Variants in ABAT observed in about 807,000 individuals in gnomAD.
The protein encoded by ABAT is 4-aminobutyrate aminotransferase, mitochondrial.
In ABAT, 45 loss-of-function variants were observed where a neutral mutation model predicts 64.6. The ratio of observed to expected loss-of-function variants is 0.70; its 90% CI spans 0.55 to 0.89. ABAT has a LOEUF of 0.89. Among genes scored for constraint, ABAT ranks in the 40% least tolerant of loss-of-function variants. The probability of loss-of-function intolerance (pLI) is 0.00; values close to 1 mark genes in which losing one functional copy is unlikely to be tolerated. For synonymous variants in ABAT, 297 were observed against 250.5 expected, an observed-to-expected ratio of 1.19 and a Z score of -1.75; for missense variants, 633 against 658.4, an observed-to-expected ratio of 0.96 and a Z score of 0.42.
chr16:8,731,837 T>TCA (rs1219512761), intron 1 of ABAT, among the ~76,000 whole-genome samples: 2,186 of 152,136 alleles, frequency 0.014, 57 homozygotes, highest in African/African-American at 0.05. Flanking sequence ...GCAACCTCTT[T>TCA]TTCCTCTTTT....
At chr16:8,677,552 G>T (rs969390255) in intron 1 of ABAT, among the ~76,000 whole-genome samples, 1 of 152,160 alleles carries the variant, frequency 6.6e-6, no homozygotes, top group African/African-American at 2.4e-5. Context: ...TTCTCATTTT[G>T]GGCACTGTTG....
intron 1 of ABAT, among the ~76,000 whole-genome samples, chr16:8,694,269 C>G (rs764648607): frequency 6.6e-6 from 1 of 151,804 alleles, no homozygotes; most frequent in Non-Finnish European, 1.5e-5. Context: ...CTGACCCGCC[C>G]GCCTCGGCCT....
intron 4 of ABAT, among the ~76,000 whole-genome samples, chr16:8,750,209 T>C (rs1049094661): frequency 6.6e-6 from 1 of 152,246 alleles, no homozygotes; most frequent in Admixed American, 6.5e-5. Flanking sequence ...GAAAAATTCA[T>C]AAAAAATAAA....
chr16:8,735,775 C>A lies in ABAT; in HGVS notation c.36C>A (p.Cys12Ter). 2 of 1,607,742 alleles carry A rather than the reference C, an allele frequency of 1.2e-6. No homozygotes were observed. The highest frequency in any genetic ancestry group is 1.7e-5 in the Admixed American group (1 of 59,286). Reference protein sequence around the residue: ...ASMLLAQRLACSFQHSYRLLV... With the variant: ...ASMLLAQRLA ...TGTTGCTCGCCCAGCGCCTGGCCTG[C>A]AGCTTCCAGCACAGCTACCGCCTGC... Residue 12 changes from cysteine (C) to a stop codon, truncating the protein, a stop_gained, in exon 2 of 16, where the codon TGC (cysteine) becomes TGA (stop). Transcript: ENST00000268251. LOFTEE classifies it high-confidence loss of function.
intron 1 of ABAT, among the ~76,000 whole-genome samples, chr16:8,675,710 C>A (rs55674638): frequency 0.093 from 14,203 of 152,220 alleles, 740 homozygotes; most frequent in Admixed American, 0.14. Flanking sequence ...CAAACTCTGA[C>A]AACAGAGATG....
intron 1 of ABAT, among the ~76,000 whole-genome samples, chr16:8,688,671 T>G (rs896291534): frequency 1.3e-5 from 2 of 152,282 alleles, no homozygotes; most frequent in East Asian, 3.9e-4. Context: ...CAGGCTAGTC[T>G]CAAACTCTTG....
Position 8,776,422 on chromosome 16 carries a change from C to A in ABAT, c.1201C>A (p.Arg401=). Residue 401 remains arginine, a synonymous_variant, in exon 14 of 16, where the codon CGG becomes AGG. Coordinates refer to ENST00000268251, the MANE Select transcript of ABAT (RefSeq NM_020686.6). The surrounding 1 kb of genome is among the most constrained non-coding windows in gnomAD (Gnocchi z 4.4). ...LLAEVINIIK[R]EDLLNNAAHA... ...GGCTGAGGTCATCAACATCATCAAGCGGGAGGACCTGCTAAATAATGCAGC... is the reference window on the plus strand; with the variant it reads ...GGCTGAGGTCATCAACATCATCAAGAGGGAGGACCTGCTAAATAATGCAGC... The A allele has an allele frequency of 6.2e-7, 1 of 1,614,192 alleles. No individual in the cohort carries two copies. The highest frequency in any genetic ancestry group is 8.5e-7 in the Non-Finnish European group (1 of 1,180,038).
intron 3 of ABAT, among the ~76,000 whole-genome samples, chr16:8,746,675 G>A (rs1273900537): frequency 1.3e-5 from 2 of 151,294 alleles, no homozygotes; most frequent in Non-Finnish European, 2.9e-5. Flanking sequence ...TGGTGCCTCT[G>A]CACTCCAACC....
intron 1 of ABAT, among the ~76,000 whole-genome samples, chr16:8,710,400 C>T (rs2058040693): frequency 6.6e-6 from 1 of 152,046 alleles, no homozygotes; most frequent in African/African-American, 2.4e-5. Context: ...TCCATGTTGA[C>T]ATTTGACCTT....
chr16:8,752,064 C>T (rs2059503385), intron 5 of ABAT, among the ~76,000 whole-genome samples: 1 of 152,246 alleles, frequency 6.6e-6, no homozygotes, highest in Non-Finnish European at 1.5e-5. Context: ...TCAGCACCTC[C>T]CTTTGGACCC....
At chr16:8,750,943 CTTTTTTT>C (rs71301327) in intron 5 of ABAT, among the ~76,000 whole-genome samples, 3 of 109,742 alleles carry the variant, frequency 2.7e-5, no homozygotes, top group Non-Finnish European at 5.4e-5. Context: ...TTTTTCCCTG[CTTTTTTT>C]TTTTTTTTTT....
At chr16:8,738,016 G>GAA (rs377342959) in intron 2 of ABAT, among the ~76,000 whole-genome samples, 2 of 57,684 alleles carry the variant, frequency 3.5e-5, no homozygotes, top group African/African-American at 1.3e-4. Context: ...AAGAAAGAAA[G>GAA]GAAAGAAAGA....
chr16:8,681,203 C>A (rs2057325191), intron 1 of ABAT, among the ~76,000 whole-genome samples: 1 of 152,182 alleles, frequency 6.6e-6, no homozygotes, highest in East Asian at 1.9e-4. Context: ...GTAGCCCAGG[C>A]TGGTTTTGAA....
At chr16:8,709,864 C>A (rs1004311815) in intron 1 of ABAT, among the ~76,000 whole-genome samples, 1 of 151,754 alleles carries the variant, frequency 6.6e-6, no homozygotes, top group Non-Finnish European at 1.5e-5. Context: ...CTTTGTCACC[C>A]AGGCTGGAGT....
At chr16:8,754,771 T>G (rs2142799717) in intron 5 of ABAT, among the ~76,000 whole-genome samples, 1 of 151,672 alleles carries the variant, frequency 6.6e-6, no homozygotes, top group South Asian at 2.1e-4. Flanking sequence ...CAGGCTGGAG[T>G]GCAGTGGCAC....
intron 1 of ABAT, among the ~76,000 whole-genome samples, chr16:8,700,842 G>A (rs2057805475): frequency 2.0e-5 from 3 of 151,770 alleles, no homozygotes; most frequent in African/African-American, 4.8e-5. Context: ...CCTGGCTCAA[G>A]CAGTCATCCT....
chr16:8,779,702 A>G (rs1388277931), intron 15 of ABAT, 112 bp downstream of exon 15: 1 of 825,824 alleles, frequency 1.2e-6, no homozygotes, highest in African/African-American at 1.7e-5. Flanking sequence ...CAGGTGGTAC[A>G]CAGGTCTGAA....
chr16:8,718,108 C>G (rs2058263830), intron 1 of ABAT, among the ~76,000 whole-genome samples: 4 of 152,208 alleles, frequency 2.6e-5, no homozygotes, highest in Admixed American at 2.6e-4. Flanking sequence ...GAACCTCAGT[C>G]TCATCCTCAG....
At chr16:8,750,334 G>T in intron 4 of ABAT, 88 bp from the exon 5 acceptor site, 1 of 1,101,202 alleles carries the variant, frequency 9.1e-7, no homozygotes, top group South Asian at 1.2e-5. Context: ...TCACGATATG[G>T]TGTACTTCAC....
Sources: allele counts gnomAD v4.1 joint callset (sites outside exome capture counted in the v4.1 genomes callset), GRCh38; gene constraint gnomAD v4.1.1; non-coding constraint Gnocchi (gnomAD v3.1); transcripts MANE v1.5; gene names NCBI Gene and HGNC (gene_info 2026-07-23, HGNC 2026-07-21).